Variants in MRTFB observed in about 807,000 individuals in gnomAD.
MRTFB encodes the protein myocardin related transcription factor B.
In MRTFB, 29 loss-of-function variants were observed where a neutral mutation model predicts 104.2. That is an observed-to-expected ratio of 0.28 (90% confidence interval 0.21 to 0.38). The LOEUF is 0.38. Ranked by LOEUF, MRTFB falls within the 10% of genes least tolerant of loss-of-function variation. MRTFB has a pLI of 1.00. For missense variants in MRTFB, 1,270 were observed against 1,341.6 expected, an observed-to-expected ratio of 0.95 and a Z score of 0.83; for synonymous variants, 535 against 519.5, an observed-to-expected ratio of 1.03 and a Z score of -0.41.
chr16:14,021,600 A>T, the MRTFB span, among the ~76,000 whole-genome samples: 4 of 152,042 alleles, frequency 2.6e-5, no homozygotes, highest in African/African-American at 9.7e-5. Flanking sequence ...CTGAGTCCCC[A>T]AAGTCCATTG....
chr16:14,080,497 A>G (rs982832620), intron 2 of MRTFB, among the ~76,000 whole-genome samples: 3 of 152,184 alleles, frequency 2.0e-5, no homozygotes, highest in Admixed American at 6.5e-5. Context: ...AACATTGAAC[A>G]TTTACTCTCT....
rs1292007428 is a variant in MRTFB, at chr16:14,266,614, C to T, written c.*5170C>T. The stretch of plus-strand genomic sequence containing the variant: ...ATGTTTGAATGCCATACATTTTGCA[C>T]ATGTACTGTACATAAGTAATGCATA... On this transcript the variant is annotated 3_prime_UTR_variant, in exon 17 of 17. Transcript: ENST00000571589. 2 of 152,220 alleles carry T rather than the reference C, an allele frequency of 1.3e-5. No individual in the cohort carries two copies. The highest frequency in any genetic ancestry group is 4.8e-5 in the African/African-American group (2 of 41,448). 9.4% of individuals were successfully genotyped at this position (152,220 alleles called of 1,614,324 possible).
chr16:14,171,606 C>G (rs1384672233), intron 3 of MRTFB, among the ~76,000 whole-genome samples: 4 of 152,168 alleles, frequency 2.6e-5, no homozygotes, highest in African/African-American at 9.7e-5. Flanking sequence ...TCCCACATCA[C>G]TGGGTTCCTT....
At chr16:14,157,011 T>A (rs1479029078) in intron 3 of MRTFB, among the ~76,000 whole-genome samples, 1 of 152,232 alleles carries the variant, frequency 6.6e-6, no homozygotes, top group Non-Finnish European at 1.5e-5. Flanking sequence ...GGTCTTGCAA[T>A]GAAATATATC....
intron 13 of MRTFB, among the ~76,000 whole-genome samples, chr16:14,250,844 G>C (rs1245193801): frequency 1.3e-5 from 2 of 152,152 alleles, no homozygotes; most frequent in Non-Finnish European, 2.9e-5. Context: ...TGAACACTGA[G>C]GGAGAAAGCA....
intron 2 of MRTFB, 40 bp from the exon 3 acceptor site, chr16:14,140,504 A>G: frequency 7.0e-7 from 1 of 1,426,108 alleles, no homozygotes; most frequent in Non-Finnish European, 9.6e-7. Context: ...TTGGAGAAAC[A>G]TAACTGCACC....
intron 3 of MRTFB, among the ~76,000 whole-genome samples, chr16:14,176,467 G>A (rs2039587436): frequency 2.6e-5 from 4 of 152,188 alleles, no homozygotes; most frequent in South Asian, 4.1e-4. Flanking sequence ...CTACAAATGT[G>A]ATTTCTGTGA....
intron 3 of MRTFB, among the ~76,000 whole-genome samples, chr16:14,182,715 G>C (rs1296158227): frequency 6.6e-6 from 1 of 152,098 alleles, no homozygotes; most frequent in Non-Finnish European, 1.5e-5. Context: ...ACATGAGTCT[G>C]GGACATCTTG....
chr16:14,196,964 CTTTTTTTTTTT>C (rs35259229), intron 3 of MRTFB, among the ~76,000 whole-genome samples: 1 of 103,188 alleles, frequency 9.7e-6, no homozygotes, highest in Admixed American at 1.3e-4. Context: ...TCTCTTTTTT[CTTTTTTTTTTT>C]TTTTTTTTTT....
the MRTFB span, among the ~76,000 whole-genome samples, chr16:14,017,593 GTATATATATATATATATATATATATA>G: frequency 0.017 from 1,001 of 59,072 alleles, 78 homozygotes; most frequent in African/African-American, 0.063. Context: ...ACTGACTACA[GTATATATATATATATATATATATATA>G]TATATATATA....
the MRTFB span, among the ~76,000 whole-genome samples, chr16:14,056,004 A>T: frequency 6.6e-6 from 1 of 152,002 alleles, no homozygotes; most frequent in Admixed American, 6.6e-5. Flanking sequence ...TTTGAGACAG[A>T]GTCTCACTCT....
intron 1 of MRTFB, among the ~76,000 whole-genome samples, chr16:14,076,292 A>G (rs1295237086): frequency 6.6e-6 from 1 of 152,072 alleles, no homozygotes; most frequent in Non-Finnish European, 1.5e-5. Context: ...CTCAGGTTCA[A>G]GCGATTCTCC....
At chr16:14,098,341 A>G (rs1226705304) in intron 2 of MRTFB, among the ~76,000 whole-genome samples, 5 of 152,274 alleles carry the variant, frequency 3.3e-5, no homozygotes, top group Middle Eastern at 3.4e-3. Context: ...AATGGAGTTG[A>G]GCATATTTTC....
At position 14,264,499 on chromosome 16, in the gene MRTFB, C is replaced by G. The variant is rs891592643; in HGVS notation, c.*3055C>G. On this transcript the variant is annotated 3_prime_UTR_variant, in exon 17 of 17. Coordinates refer to ENST00000571589, the MANE Select transcript of MRTFB (RefSeq NM_001308142.2). ...TAGTGTTTTTCCTGAAATGTGCAAT[C>G]TACTGTATAGTATTGCCACATAATT... 15 of 152,216 alleles carry G rather than the reference C, an allele frequency of 9.9e-5. No individual in the cohort carries two copies. Among genetic ancestry groups the G allele is most frequent in the African/African-American group, 3.6e-4 (15 of 41,458 alleles). The allele number at this position is 152,216 out of a possible 1,614,324, so 9.4% of individuals were successfully genotyped here.
intron 9 of MRTFB, among the ~76,000 whole-genome samples, chr16:14,239,761 T>C (rs1419965542): frequency 6.6e-6 from 1 of 152,246 alleles, no homozygotes; most frequent in Non-Finnish European, 1.5e-5. Flanking sequence ...TTTTGTATTA[T>C]ATTGCTTAAA....
intron 3 of MRTFB, among the ~76,000 whole-genome samples, chr16:14,209,916 GATTT>G (rs1222417043): frequency 1.1e-4 from 17 of 152,218 alleles, no homozygotes; most frequent in Non-Finnish European, 2.2e-4. Context: ...CTATAAATTA[GATTT>G]ATTAGCAAGT....
chr16:14,095,639 G>C (rs981607127), intron 2 of MRTFB, among the ~76,000 whole-genome samples: 147 of 152,186 alleles, frequency 9.7e-4, no homozygotes, highest in Non-Finnish European at 2.2e-4. Context: ...CATTTTAAAA[G>C]TAAATACTGG....
Position 14,246,430 on chromosome 16 carries a change from G to C in MRTFB, c.1213-43G>C, listed in dbSNP as rs28497725. 6.9e-3 allele frequency: 10,987 copies of C among 1,589,214 alleles called. 491 individuals are homozygous for C. The African/African-American group carries it at 0.11, about 16-fold the overall frequency. On this transcript the variant is annotated intron_variant, in intron 11 of 16. Coordinates refer to ENST00000571589, the MANE Select transcript of MRTFB (RefSeq NM_001308142.2). ...ACAAAAGCGTACTGTAGATTTGCCA[G>C]AAAGCTCTAATACTAAGATATCTGC...
At chr16:14,171,133 T>A (rs2039408415) in intron 3 of MRTFB, among the ~76,000 whole-genome samples, 1 of 152,230 alleles carries the variant, frequency 6.6e-6, no homozygotes, top group South Asian at 2.1e-4. Context: ...AACAAAATGT[T>A]CTAGGCTCAA....
Sources: allele counts gnomAD v4.1 joint callset (sites outside exome capture counted in the v4.1 genomes callset), GRCh38; gene constraint gnomAD v4.1.1; transcripts MANE v1.5; gene names NCBI Gene and HGNC (gene_info 2026-07-23, HGNC 2026-07-21).